ITGA8: variants seen among roughly 807,000 people sequenced by gnomAD.
ITGA8 encodes the protein integrin alpha-8.
Under a neutral mutation model 142.3 loss-of-function variants are expected in ITGA8, and 91 were observed. The ratio of observed to expected loss-of-function variants is 0.64; its 90% CI spans 0.54 to 0.76. The LOEUF (loss-of-function observed/expected upper bound fraction) is 0.76, where lower values mean the gene tolerates loss of function less well. Ranked by LOEUF, ITGA8 falls within the 30% of genes least tolerant of loss-of-function variation. ITGA8 has a pLI of 0.00. For missense variants in ITGA8, 1,406 were observed against 1,327.7 expected, an observed-to-expected ratio of 1.06 and a Z score of -0.92; for synonymous variants, 505 against 485.2, an observed-to-expected ratio of 1.04 and a Z score of -0.54.
chr10:15,686,106 C>A (rs1341825948), intron 3 of ITGA8, among the ~76,000 whole-genome samples: 1 of 152,184 alleles, frequency 6.6e-6, no homozygotes, highest in Non-Finnish European at 1.5e-5. Context: ...AGTATGGTAT[C>A]ACACTTAATT....
chr10:15,605,833 C>G lies in ITGA8; in HGVS notation c.1903-42G>C, dbSNP rs201765101. On this transcript the variant is annotated intron_variant, in intron 18 of 29. Coordinates refer to ENST00000378076, the MANE Select transcript of ITGA8 (RefSeq NM_003638.3). The stretch of plus-strand genomic sequence containing the variant: ...CACGTCAGGAACAATCTAGGAAAAT[C>G]TGATTCACATCCTTTTTCTTGAAAA... 1.5e-4 allele frequency: 229 copies of G among 1,560,780 alleles called. No individual in the cohort carries two copies. The African/African-American group carries it at 2.9e-3, about 20-fold the overall frequency.
chr10:15,636,580 T>C (rs1833775706), intron 13 of ITGA8, among the ~76,000 whole-genome samples: 1 of 152,198 alleles, frequency 6.6e-6, no homozygotes, highest in South Asian at 2.1e-4. Context: ...ACTATCCTTT[T>C]CTTGGGTACA....
intron 12 of ITGA8, among the ~76,000 whole-genome samples, chr10:15,644,447 T>C (rs1833932706): frequency 0.016 from 17 of 1,052 alleles, 2 homozygotes; most frequent in South Asian, 0.12. Context: ...TATATATATA[T>C]ATATATATAT....
intron 8 of ITGA8, among the ~76,000 whole-genome samples, chr10:15,668,877 G>A (rs894050323): frequency 1.3e-5 from 2 of 152,228 alleles, no homozygotes; most frequent in African/African-American, 4.8e-5. Context: ...TAGAGTTTCT[G>A]CTGAGAGATT....
chr10:15,521,947 G>A (rs548419969), intron 28 of ITGA8, among the ~76,000 whole-genome samples: 2 of 152,308 alleles, frequency 1.3e-5, no homozygotes, highest in African/African-American at 2.4e-5. Flanking sequence ...CCAGAAGCTG[G>A]CAAAGAGTGG....
rs1833233806 is a variant in ITGA8, at chr10:15,608,285, GA to G, written c.1558del (p.Ser520LeufsTer2). 1 of 1,587,618 alleles carries G rather than the reference GA, an allele frequency of 6.3e-7. No individual in the cohort carries two copies. Among genetic ancestry groups the G allele is most frequent in the African/African-American group, 1.4e-5 (1 of 73,616 alleles). On this transcript the variant is annotated frameshift_variant, in exon 16 of 30. Coordinates refer to ENST00000378076, the MANE Select transcript of ITGA8 (RefSeq NM_003638.3). LOFTEE classifies it high-confidence loss of function. ...TGTGACAGATGCACATACTCTTAAA[GA>G]AAAGCTATAGAAAATAGTAGTAATT... is the stretch of plus-strand genomic sequence containing the variant. Reference protein sequence around the residue: ...PDSMTSAACFSLRVCASVTGQ... With the variant: ...PDSMTSAACFXLRVCASVTGQ...
rs776781084 is a variant in ITGA8 at position 15,592,308 on chromosome 10, AAAAAT to A, written c.2212-9_2212-5del. 3 of 1,606,962 alleles carry A rather than the reference AAAAAT, an allele frequency of 1.9e-6. No individual in the cohort carries two copies. In the Admixed American group the frequency reaches 5.0e-5, roughly 27 times the overall value. ...CAAATCGGAGGCCCAGGGAATACTA[AAAAAT>A]AAAATAAAATCACACAAGAGTAGCT... On this transcript the variant is annotated splice_region_variant and splice_polypyrimidine_tract_variant and intron_variant, in intron 21 of 29. Transcript: ENST00000378076.
At chr10:15,596,145 G>C (rs572661609) in intron 21 of ITGA8, among the ~76,000 whole-genome samples, 1 of 152,202 alleles carries the variant, frequency 6.6e-6, no homozygotes, top group Non-Finnish European at 1.5e-5. Flanking sequence ...AGTGAAAAAT[G>C]TTCTAATATC....
intron 8 of ITGA8, among the ~76,000 whole-genome samples, chr10:15,662,068 A>G (rs1834298032): frequency 1.3e-5 from 2 of 152,116 alleles, no homozygotes; most frequent in African/African-American, 4.8e-5. Flanking sequence ...AACATCGGGA[A>G]TTTTGTTTTT....
chr10:15,594,096 TC>T (rs1228621471), intron 21 of ITGA8, among the ~76,000 whole-genome samples: 1 of 151,968 alleles, frequency 6.6e-6, no homozygotes, highest in Non-Finnish European at 1.5e-5. Flanking sequence ...CGCCTTGACC[TC>T]CCCAAGTGCT....
intron 25 of ITGA8, 78 bp downstream of exon 25, chr10:15,572,133 T>A: frequency 7.8e-7 from 1 of 1,278,670 alleles, no homozygotes; most frequent in Non-Finnish European, 1.1e-6. Context: ...CTCTTCTTTT[T>A]TAAACAAGCC....
intron 22 of ITGA8, among the ~76,000 whole-genome samples, chr10:15,591,160 T>A (rs550171263): frequency 4.3e-4 from 65 of 152,160 alleles, no homozygotes; most frequent in African/African-American, 1.4e-3. Flanking sequence ...AAATTAACCA[T>A]CTTGCACACT....
chr10:15,598,361 G>T (rs1891049), intron 20 of ITGA8, among the ~76,000 whole-genome samples: 124,502 of 152,084 alleles, frequency 0.82, 51,123 homozygotes, highest in South Asian at 0.89. Flanking sequence ...TTTTGTCCTT[G>T]TCTGTTATCT....
chr10:15,687,890 G>A (rs1393481318), intron 3 of ITGA8, 48 bp downstream of exon 3: 1 of 1,098,308 alleles, frequency 9.1e-7, no homozygotes, highest in Non-Finnish European at 1.4e-6. Context: ...ACATTCCAGT[G>A]CACACCATAC....
chr10:15,659,141 T>A, intron 9 of ITGA8, 86 bp from the exon 10 acceptor site: 1 of 897,056 alleles, frequency 1.1e-6, no homozygotes, highest in Admixed American at 3.0e-5. Context: ...TCATTTAAAA[T>A]TTTTTGTAAA....
intron 11 of ITGA8, among the ~76,000 whole-genome samples, chr10:15,652,350 A>C (rs1834102282): frequency 6.6e-6 from 1 of 152,142 alleles, no homozygotes. Context: ...GAACACATGG[A>C]ATGAATCCGT....
At chr10:15,659,800 T>C (rs1199911407) in intron 9 of ITGA8, among the ~76,000 whole-genome samples, 1 of 152,094 alleles carries the variant, frequency 6.6e-6, no homozygotes, top group Admixed American at 6.5e-5. Context: ...CACATGAGGA[T>C]GGAGGCAGAG....
intron 2 of ITGA8, among the ~76,000 whole-genome samples, chr10:15,710,257 T>C (rs1199506945): frequency 1.3e-5 from 2 of 152,232 alleles, no homozygotes; most frequent in African/African-American, 2.4e-5. Flanking sequence ...ATGTTTTTTA[T>C]TTACCACTGA....
intron 24 of ITGA8, among the ~76,000 whole-genome samples, chr10:15,574,731 T>C (rs1834252261): frequency 6.6e-6 from 1 of 150,402 alleles, no homozygotes; most frequent in South Asian, 2.2e-4. Context: ...TTTAGCACAA[T>C]AATGAATAGT....
Sources: gnomAD v4.1 joint callset for allele counts (sites outside exome capture counted in the v4.1 genomes callset) on GRCh38, gnomAD v4.1.1 for gene constraint, MANE v1.5 for transcripts, NCBI Gene and HGNC (gene_info 2026-07-23, HGNC 2026-07-21) for gene names.